Variants in SLC10A7 observed in about 807,000 individuals in gnomAD.
SLC10A7 encodes the protein sodium/bile acid cotransporter 7.
SLC10A7 carries 29 observed loss-of-function variants against 43.2 expected under a neutral mutation model. The ratio of observed to expected loss-of-function variants is 0.67; its 90% CI spans 0.50 to 0.92. The LOEUF is 0.92. Among genes scored for constraint, SLC10A7 ranks in the 40% least tolerant of loss-of-function variants. The pLI is 0.00. For synonymous variants in SLC10A7, 152 were observed against 144.8 expected (o/e 1.05, Z -0.35); for missense variants, 295 against 403.2 (o/e 0.73, Z 2.30).
intron 5 of SLC10A7, among the ~76,000 whole-genome samples, chr4:146,392,266 G>C: frequency 6.6e-6 from 1 of 152,110 alleles, no homozygotes; most frequent in Non-Finnish European, 1.5e-5. Context: ...GGGTAACCAT[G>C]ATAATATGTC....
intron 6 of SLC10A7, among the ~76,000 whole-genome samples, chr4:146,312,156 GCA>G (rs1250568570): frequency 6.6e-6 from 1 of 152,116 alleles, no homozygotes; most frequent in Non-Finnish European, 1.5e-5. Flanking sequence ...ATATTTATAT[GCA>G]CAGTCTTTTT....
At chr4:146,477,002 A>G (rs1734085588) in intron 4 of SLC10A7, among the ~76,000 whole-genome samples, 1 of 152,156 alleles carries the variant, frequency 6.6e-6, no homozygotes. Flanking sequence ...AGCCAGTTTT[A>G]TTCTTGCTTC....
At chr4:146,407,010 C>CA (rs1041525273) in intron 5 of SLC10A7, among the ~76,000 whole-genome samples, 5 of 151,892 alleles carry the variant, frequency 3.3e-5, no homozygotes, top group Non-Finnish European at 7.4e-5. Context: ...ACAACAACAA[C>CA]AAAAAAGTGT....
intron 5 of SLC10A7, among the ~76,000 whole-genome samples, chr4:146,405,848 A>G (rs541188763): frequency 1.3e-5 from 2 of 151,944 alleles, no homozygotes; most frequent in Non-Finnish European, 2.9e-5. Flanking sequence ...TTGCAATACC[A>G]CTTACAAGAT....
chr4:146,305,017 C>T (rs935075821), intron 7 of SLC10A7, among the ~76,000 whole-genome samples: 1 of 151,506 alleles, frequency 6.6e-6, no homozygotes, highest in African/African-American at 2.4e-5. Flanking sequence ...GTCAGTGTGG[C>T]GATTCCTCGG....
intron 5 of SLC10A7, among the ~76,000 whole-genome samples, chr4:146,386,142 A>G (rs1210688211): frequency 6.6e-6 from 1 of 152,052 alleles, no homozygotes; most frequent in African/African-American, 2.4e-5. Flanking sequence ...CTTAAAGTCT[A>G]TGAGAACTCT....
intron 1 of SLC10A7, 72 bp from the exon 2 acceptor site, chr4:146,517,192 T>C (rs972333053): frequency 1.3e-5 from 16 of 1,273,452 alleles, no homozygotes; most frequent in Non-Finnish European, 1.6e-5. Context: ...GAAGAATCTA[T>C]TTGTTCACAC....
rs572993886 is a variant in SLC10A7, at chr4:146,451,231, C to CAAAAAA, written c.397-8416_397-8411dup. On this transcript the variant is annotated intron_variant, in intron 4 of 11. Transcript: ENST00000335472. ...CAAGGCTGAATCAGAAGTCTCCCAC[C>CAAAAAA]AAAAAAAAAAAAAAAAAAACAAAAA... 8.0e-4 allele frequency among the ~76,000 whole-genome samples: 57 copies of CAAAAAA among 71,680 alleles called. 1 individual carries two copies. Among genetic ancestry groups the CAAAAAA allele is most frequent in the South Asian group, 1.1e-3 (2 of 1,880 alleles). 47.0% of individuals were successfully genotyped at this position (71,680 alleles called of 152,430 possible).
chr4:146,408,497 G>A (rs1241641079), intron 5 of SLC10A7: 3 of 152,030 alleles, frequency 2.0e-5, no homozygotes, highest in Admixed American at 2.0e-4. Context: ...GCAAGACTGT[G>A]TCTCAAAAAA....
At chr4:146,493,719 C>T (rs939199571) in intron 4 of SLC10A7, among the ~76,000 whole-genome samples, 9 of 152,294 alleles carry the variant, frequency 5.9e-5, no homozygotes, top group Non-Finnish European at 7.4e-5. Context: ...AATTCCCAAA[C>T]GGGCTATCTT....
intron 4 of SLC10A7, among the ~76,000 whole-genome samples, chr4:146,454,384 A>G (rs1251860915): frequency 6.6e-6 from 1 of 151,830 alleles, no homozygotes; most frequent in African/African-American, 2.4e-5. Flanking sequence ...TTTGTTAATC[A>G]AGAAACAGAA....
chr4:146,333,830 CGT>C (rs1733700373), intron 5 of SLC10A7, among the ~76,000 whole-genome samples: 1 of 151,864 alleles, frequency 6.6e-6, no homozygotes, highest in Non-Finnish European at 1.5e-5. Flanking sequence ...AGAATCACTC[CGT>C]GTGTACTTTA....
chr4:146,346,018 A>G (rs987510738), intron 5 of SLC10A7, among the ~76,000 whole-genome samples: 1 of 152,174 alleles, frequency 6.6e-6, no homozygotes, highest in Non-Finnish European at 1.5e-5. Context: ...TTTTGAGGTC[A>G]GGATTTGGAC....
At chr4:146,277,110 A>T (rs1419068345) in intron 10 of SLC10A7, among the ~76,000 whole-genome samples, 2 of 152,200 alleles carry the variant, frequency 1.3e-5, no homozygotes, top group Non-Finnish European at 2.9e-5. Context: ...TCAATTCTGG[A>T]TCACATTGTA....
intron 4 of SLC10A7, among the ~76,000 whole-genome samples, chr4:146,458,187 A>T (rs147681107): frequency 1.3e-5 from 2 of 151,818 alleles, no homozygotes; most frequent in Admixed American, 6.6e-5. Flanking sequence ...AGAATCAATC[A>T]AAGCAATTCA....
At chr4:146,261,219 G>C (rs1038253649) in intron 10 of SLC10A7, among the ~76,000 whole-genome samples, 10 of 152,322 alleles carry the variant, frequency 6.6e-5, no homozygotes, top group East Asian at 1.9e-4. Flanking sequence ...GGCTGGAGGA[G>C]GAGGAGGAAT....
At chr4:146,326,927 C>CACACAT (rs1733155932) in intron 5 of SLC10A7, among the ~76,000 whole-genome samples, 9 of 23,928 alleles carry the variant, frequency 3.8e-4, no homozygotes, top group African/African-American at 2.1e-3. Flanking sequence ...GACACACACA[C>CACACAT]ACACACACAC....
At chr4:146,316,612 T>A (rs954693971) in intron 6 of SLC10A7, among the ~76,000 whole-genome samples, 9 of 152,026 alleles carry the variant, frequency 5.9e-5, no homozygotes. Flanking sequence ...CAGTTTGTGG[T>A]ATTTTTTTTA....
intron 5 of SLC10A7, among the ~76,000 whole-genome samples, chr4:146,334,623 G>T (rs1655858092): frequency 6.6e-6 from 1 of 152,090 alleles, no homozygotes; most frequent in Non-Finnish European, 1.5e-5. Flanking sequence ...GGGGGTCACA[G>T]GAATAGAGAT....
Sources: gnomAD v4.1 joint callset for allele counts (sites outside exome capture counted in the v4.1 genomes callset) on GRCh38, gnomAD v4.1.1 for gene constraint, MANE v1.5 for transcripts, NCBI Gene and HGNC (gene_info 2026-07-23, HGNC 2026-07-21) for gene names.